Variants in ATXN1 observed in about 807,000 individuals in gnomAD.
ATXN1 encodes ataxin-1.
Under a neutral mutation model 56.4 loss-of-function variants are expected in ATXN1, and 8 were observed. That is an observed-to-expected ratio of 0.14 (90% CI 0.08 to 0.26). ATXN1 has a LOEUF of 0.26. Among genes scored for constraint, ATXN1 ranks in the 10% least tolerant of loss-of-function variants. The pLI is 1.00. For synonymous variants in ATXN1, 514 were observed against 494.6 expected (o/e 1.04, Z -0.52); for missense variants, 987 against 1,106.5 (o/e 0.89, Z 1.53).
intron 6 of ATXN1, among the ~76,000 whole-genome samples, chr6:16,383,559 C>T (rs1489361701): frequency 6.6e-6 from 1 of 152,040 alleles, no homozygotes; most frequent in East Asian, 1.9e-4. Context: ...TATAAGTTGC[C>T]CTTCCCCACC....
At chr6:16,720,894 C>A (rs995625162) in intron 2 of ATXN1, among the ~76,000 whole-genome samples, 3 of 152,198 alleles carry the variant, frequency 2.0e-5, no homozygotes, top group Admixed American at 6.5e-5. Context: ...AGATGCTGTT[C>A]AGGCCAGATA....
At chr6:16,534,422 T>C (rs1761560825) in intron 4 of ATXN1, among the ~76,000 whole-genome samples, 1 of 149,900 alleles carries the variant, frequency 6.7e-6, no homozygotes, top group Admixed American at 6.7e-5. Context: ...AGGGTAAGGG[T>C]ACATACTAGA....
At chr6:16,443,386 T>C (rs1404619004) in intron 6 of ATXN1, among the ~76,000 whole-genome samples, 4 of 152,132 alleles carry the variant, frequency 2.6e-5, no homozygotes, top group Non-Finnish European at 5.9e-5. Context: ...TAAATATTTT[T>C]ATATAATTAT....
intron 6 of ATXN1, among the ~76,000 whole-genome samples, chr6:16,414,956 C>T (rs570325582): frequency 6.6e-6 from 1 of 152,268 alleles, no homozygotes; most frequent in East Asian, 1.9e-4. Context: ...GATTCTAGAA[C>T]AAAATGTCAC....
chr6:16,624,043 A>C (rs1763364927), intron 3 of ATXN1, among the ~76,000 whole-genome samples: 1 of 152,184 alleles, frequency 6.6e-6, no homozygotes, highest in South Asian at 2.1e-4. Flanking sequence ...GTAGAATTTC[A>C]ATTTTGCAAA....
At chr6:16,759,396 G>A (rs752611863) in intron 1 of ATXN1, among the ~76,000 whole-genome samples, 1 of 152,310 alleles carries the variant, frequency 6.6e-6, no homozygotes, top group Non-Finnish European at 1.5e-5. Flanking sequence ...ATCTCGCAGG[G>A]AAGCTAAGAA....
chr6:16,357,266 AT>A (rs1166602845), intron 6 of ATXN1, among the ~76,000 whole-genome samples: 18 of 136,976 alleles, frequency 1.3e-4, no homozygotes, highest in African/African-American at 5.6e-4. Flanking sequence ...TATTTATTTT[AT>A]TTTATTTTTT....
At chr6:16,597,195 T>C (rs1382844394) in intron 3 of ATXN1, among the ~76,000 whole-genome samples, 1 of 152,194 alleles carries the variant, frequency 6.6e-6, no homozygotes, top group Non-Finnish European at 1.5e-5. Flanking sequence ...ACACCTCCGG[T>C]GGAAGGAGGA....
intron 4 of ATXN1, among the ~76,000 whole-genome samples, chr6:16,542,271 C>T (rs188659261): frequency 1.3e-3 from 199 of 152,310 alleles, no homozygotes; most frequent in Non-Finnish European, 6.6e-4. Context: ...TCTGCATTCA[C>T]TCCAGATGAG....
At chr6:16,311,712 T>C (rs1287334079) in intron 7 of ATXN1, among the ~76,000 whole-genome samples, 3 of 152,240 alleles carry the variant, frequency 2.0e-5, no homozygotes, top group East Asian at 1.9e-4. Context: ...ACTGGCTCCA[T>C]AGATCCTCTT....
intron 5 of ATXN1, among the ~76,000 whole-genome samples, chr6:16,510,491 T>G (rs1761064657): frequency 6.6e-6 from 1 of 152,176 alleles, no homozygotes; most frequent in Non-Finnish European, 1.5e-5. Context: ...TACCTAGCAC[T>G]GTGGGAGGCA....
chr6:16,495,858 C>T (rs1760770601), intron 5 of ATXN1, among the ~76,000 whole-genome samples: 1 of 148,306 alleles, frequency 6.7e-6, no homozygotes, highest in South Asian at 2.2e-4. Flanking sequence ...GTGAGACTCT[C>T]TCTCTCTCTC....
chr6:16,759,540 T>G (rs953871967), intron 1 of ATXN1, among the ~76,000 whole-genome samples: 111 of 145,250 alleles, frequency 7.6e-4, no homozygotes, highest in African/African-American at 2.6e-3. Flanking sequence ...GTTTTTTTTT[T>G]TTTTTTTTTT....
At chr6:16,707,788 A>G (rs1352174913) in intron 2 of ATXN1, among the ~76,000 whole-genome samples, 2 of 152,200 alleles carry the variant, frequency 1.3e-5, no homozygotes, top group South Asian at 4.1e-4. Flanking sequence ...ATTTTTAGAC[A>G]TAAAGGAAAC....
intron 6 of ATXN1, among the ~76,000 whole-genome samples, chr6:16,347,198 T>G (rs1418000511): frequency 6.6e-6 from 1 of 152,194 alleles, no homozygotes; most frequent in Non-Finnish European, 1.5e-5. Flanking sequence ...CCCAGTCCCA[T>G]CGACCACCCA....
intron 2 of ATXN1, among the ~76,000 whole-genome samples, chr6:16,719,829 C>T (rs757157890): frequency 2.1e-4 from 32 of 152,166 alleles, no homozygotes; most frequent in Non-Finnish European, 3.5e-4. Flanking sequence ...AGCCAAGGAA[C>T]GCCTGGAACC....
At chr6:16,636,992 C>T (rs139727434) in intron 3 of ATXN1, among the ~76,000 whole-genome samples, 4,075 of 152,304 alleles carry the variant, frequency 0.027, 75 homozygotes, top group South Asian at 0.074. Context: ...CATCCCATTA[C>T]TGGGGATATA....
intron 4 of ATXN1, among the ~76,000 whole-genome samples, chr6:16,563,046 G>GT (rs1391485662): frequency 6.6e-6 from 1 of 152,008 alleles, no homozygotes; most frequent in Non-Finnish European, 1.5e-5. Context: ...TCTGGGATGC[G>GT]TGAGCACAGC....
Position 16,546,727 on chromosome 6 carries a change from C to G in ATXN1, c.-360-24039G>C, listed in dbSNP as rs188965903. Among the ~76,000 whole-genome samples, 284 of 152,240 alleles carry G rather than the reference C, an allele frequency of 1.9e-3. No individual in the cohort carries two copies. The Middle Eastern group carries it at 0.027, about 15-fold the overall frequency. The stretch of plus-strand genomic sequence containing the variant: ...TGTTTAAGGTATTTTCATGGAGTTT[C>G]GTAAAAGCTGTTAGAAGCCATAAAG... On this transcript the variant is annotated intron_variant, in intron 4 of 7. Coordinates refer to ENST00000436367, the MANE Select transcript of ATXN1 (RefSeq NM_001128164.2).
Sources: allele counts gnomAD v4.1 joint callset (sites outside exome capture counted in the v4.1 genomes callset), GRCh38; gene constraint gnomAD v4.1.1; transcripts MANE v1.5; gene names NCBI Gene and HGNC (gene_info 2026-07-23, HGNC 2026-07-21).